The following SATL1 variants were observed in gnomAD, a reference collection of about 807,000 sequenced individuals.
The protein encoded by SATL1 is spermidine/spermine N1-acetyl transferase like 1, also known as spermidine/spermine N(1)-acetyltransferase-like protein 1.
SATL1 carries 47 observed loss-of-function variants against 51.8 expected under a neutral mutation model. That is an observed-to-expected ratio of 0.91 (90% CI 0.72 to 1.16). The LOEUF is 1.16. Ranked by LOEUF, SATL1 falls within the 50% of genes most tolerant of loss-of-function variation. The probability of loss-of-function intolerance (pLI) is 0.00; values close to 1 mark genes in which losing one functional copy is unlikely to be tolerated. For missense variants in SATL1, 520 were observed against 526.4 expected, an observed-to-expected ratio of 0.99 and a Z score of 0.12; for synonymous variants, 176 against 182.4, an observed-to-expected ratio of 0.97 and a Z score of 0.28.
intron 2 of SATL1, among the ~76,000 whole-genome samples, chrX:85,169,082 A>C (rs888943064): frequency 8.9e-6 from 1 of 112,258 alleles, no homozygotes; most frequent in Non-Finnish European, 1.9e-5. Flanking sequence ...GCAGAAGACT[A>C]ACTGGATCCC....
chrX:85,208,426 T>C (rs112813216), intron 2 of SATL1, among the ~76,000 whole-genome samples: 101 of 111,513 alleles, frequency 9.1e-4, no homozygotes, highest in African/African-American at 2.7e-3. Flanking sequence ...AGTAATAGGG[T>C]TGCCGGGCCA....
chrX:85,202,770 T>C (rs1927712208), intron 2 of SATL1, among the ~76,000 whole-genome samples: 1 of 111,889 alleles, frequency 8.9e-6, no homozygotes, highest in Non-Finnish European at 1.9e-5. Flanking sequence ...ATGCGGGGCC[T>C]AAGGGAGATG....
chrX:85,231,125 T>C (rs749904224), intron 1 of SATL1, among the ~76,000 whole-genome samples: 9 of 111,953 alleles, frequency 8.0e-5, no homozygotes, highest in Non-Finnish European at 1.5e-4. Flanking sequence ...TGAAACATTA[T>C]TCATAGTAGC....
intron 2 of SATL1, among the ~76,000 whole-genome samples, chrX:85,218,566 C>T (rs1367669203): frequency 9.0e-6 from 1 of 111,592 alleles, no homozygotes; most frequent in Non-Finnish European, 1.9e-5. Context: ...ATAACATATG[C>T]TGTGAAAACA....
At chrX:85,099,218 CA>C (rs1924821519) in intron 4 of SATL1, among the ~76,000 whole-genome samples, 1 of 111,300 alleles carries the variant, frequency 9.0e-6, no homozygotes, top group Admixed American at 9.6e-5. Flanking sequence ...ACTTAAGAAA[CA>C]GAAAATCTCA....
chrX:85,149,622 C>A (rs1049939479), intron 2 of SATL1, among the ~76,000 whole-genome samples: 1 of 111,837 alleles, frequency 8.9e-6, no homozygotes, highest in East Asian at 2.8e-4. Flanking sequence ...GTCTCTCAGA[C>A]CACAGTGCAA....
chrX:85,216,837 T>C (rs1366299719), intron 2 of SATL1, among the ~76,000 whole-genome samples: 1 of 112,088 alleles, frequency 8.9e-6, no homozygotes, highest in East Asian at 2.8e-4. Context: ...CGTCATTCAA[T>C]GTGTGTGTCC....
At chrX:85,113,162 A>T (rs1304449226) in intron 2 of SATL1, among the ~76,000 whole-genome samples, 1 of 110,482 alleles carries the variant, frequency 9.1e-6, no homozygotes, top group African/African-American at 3.3e-5. Context: ...TGTCCCACTG[A>T]TGGGTAGTCT....
At chrX:85,239,421 T>C (rs977623919) in intron 1 of SATL1, among the ~76,000 whole-genome samples, 1 of 111,764 alleles carries the variant, frequency 8.9e-6, no homozygotes, top group Admixed American at 9.5e-5. Context: ...AGAATCATTA[T>C]AGTAATGATG....
At chrX:85,154,782 A>C (rs1340734450) in intron 2 of SATL1, among the ~76,000 whole-genome samples, 1 of 112,281 alleles carries the variant, frequency 8.9e-6, no homozygotes, top group Non-Finnish European at 1.9e-5. Context: ...TTAAAAGCAA[A>C]CTGTTTCCTT....
intron 2 of SATL1, among the ~76,000 whole-genome samples, chrX:85,151,229 G>C (rs1602872021): frequency 9.1e-6 from 1 of 110,148 alleles, no homozygotes; most frequent in East Asian, 2.8e-4. Context: ...GCTTCAAAGA[G>C]AATAAAATAC....
At position 85,151,533 on chromosome X, in the gene SATL1, A is replaced by G. The variant is rs748874854; in HGVS notation, c.-312-42253T>C. 3.2e-3 allele frequency among the ~76,000 whole-genome samples: 359 copies of G among 111,664 alleles called. 1 individual carries two copies. The highest frequency in any genetic ancestry group is 0.011 in the African/African-American group (346 of 30,694). ...AGTCAATCCTAAGCCAAAAGAACAA[A>G]GCTGGAGGCATCATGCTACCTGACT... is the stretch of plus-strand genomic sequence containing the variant. On this transcript the variant is annotated intron_variant, in intron 2 of 7. Transcript: ENST00000644105.
chrX:85,124,245 A>G (rs768402431), intron 2 of SATL1, among the ~76,000 whole-genome samples: 6 of 111,522 alleles, frequency 5.4e-5, no homozygotes, highest in Middle Eastern at 4.6e-3. Context: ...CTTTTACATT[A>G]TAGATTCAAT....
intron 2 of SATL1, among the ~76,000 whole-genome samples, chrX:85,130,120 A>G (rs967925300): frequency 4.2e-4 from 47 of 111,058 alleles, no homozygotes; most frequent in African/African-American, 1.3e-3. Flanking sequence ...TTTTTGTTGT[A>G]TCTCTGCCAG....
intron 2 of SATL1, among the ~76,000 whole-genome samples, chrX:85,153,066 A>T (rs1019686427): frequency 2.8e-4 from 31 of 111,074 alleles, no homozygotes; most frequent in African/African-American, 1.0e-3. Flanking sequence ...GCATCAGAGA[A>T]CCACATTCAT....
chrX:85,098,221 C>T lies in SATL1; in HGVS notation c.1694-3225G>A, dbSNP rs189288323. Among the ~76,000 whole-genome samples, 139 of 111,473 alleles carry T rather than the reference C, an allele frequency of 1.2e-3. 2 individuals carry two copies. Among genetic ancestry groups the T allele is most frequent in the African/African-American group, 4.4e-3 (135 of 30,632 alleles). On this transcript the variant is annotated intron_variant, in intron 4 of 7. Transcript: ENST00000644105. ...CAAAATAGACTTTAAGTCAAAAACACTTACAAGAAACAAAGTACATTATGA... is the reference window on the plus strand; with the variant it reads ...CAAAATAGACTTTAAGTCAAAAACATTTACAAGAAACAAAGTACATTATGA...
At chrX:85,159,665 C>T (rs985611333) in intron 2 of SATL1, among the ~76,000 whole-genome samples, 3 of 110,943 alleles carry the variant, frequency 2.7e-5, no homozygotes, top group African/African-American at 9.9e-5. Flanking sequence ...AATAGTACAA[C>T]GTTTTGCTTT....
intron 4 of SATL1, among the ~76,000 whole-genome samples, chrX:85,101,350 C>A (rs772837921): frequency 8.9e-6 from 1 of 111,960 alleles, no homozygotes; most frequent in Non-Finnish European, 1.9e-5. Flanking sequence ...CAACAAAAAA[C>A]CAACTCAATT....
Position 85,114,175 on chromosome X carries a change from C to T in SATL1, c.-312-4895G>A, listed in dbSNP as rs140183849. Among the ~76,000 whole-genome samples the T allele has an allele frequency of 3.9e-3, 437 of 111,777 alleles. 8 individuals carry two copies. In the East Asian group the frequency reaches 0.093, roughly 24 times the overall value. On this transcript the variant is annotated intron_variant, in intron 2 of 7. Coordinates refer to ENST00000644105, the MANE Select transcript of SATL1 (RefSeq NM_001367857.2). ...AGTTAAGAATATTCACAAACAGTTTCCAAATTACTGAGAAACCAGGTAGAG... is the reference window on the plus strand; with the variant it reads ...AGTTAAGAATATTCACAAACAGTTTTCAAATTACTGAGAAACCAGGTAGAG...
Sources: gnomAD v4.1 joint callset for allele counts (sites outside exome capture counted in the v4.1 genomes callset) on GRCh38, gnomAD v4.1.1 for gene constraint, MANE v1.5 for transcripts, NCBI Gene and HGNC (gene_info 2026-07-23, HGNC 2026-07-21) for gene names.